Variants in MYOZ1 observed in about 807,000 individuals in gnomAD.
MYOZ1 encodes myozenin-1.
MYOZ1 carries 20 observed loss-of-function variants against 28.7 expected under a neutral mutation model. The observed-to-expected ratio is 0.70, with a 90% CI of 0.49 to 1.01. MYOZ1 has a LOEUF of 1.01. MYOZ1 is among the 50% of genes least tolerant of loss of function. The pLI is 0.00. For synonymous variants in MYOZ1, 144 were observed against 145.8 expected, an observed-to-expected ratio of 0.99 and a Z score of 0.09; for missense variants, 371 against 372.4, an observed-to-expected ratio of 1.00 and a Z score of 0.03.
In MYOZ1 at chr10:73,634,719, C is replaced by A; in HGVS notation, c.267G>T (p.Lys89Asn). ...GCTGTCCCCCCACTGTTGGAAGGAA[C>A]TTCTGGAAGTGATCCTGAAAAGAAG... ...FSDSSMDHFQKFLPTVGGQLG... is the reference protein window; with the variant it reads ...FSDSSMDHFQNFLPTVGGQLG... The change falls in exon 4 of 6, where the codon AAG (lysine) becomes AAT (asparagine). Residue 89 changes from lysine (K) to asparagine (N), a missense_variant. Coordinates refer to ENST00000359322, the MANE Select transcript of MYOZ1 (RefSeq NM_021245.4). 4 of 1,612,232 alleles carry A rather than the reference C, an allele frequency of 2.5e-6. No homozygotes were observed. The South Asian group carries it at 3.3e-5, about 13-fold the overall frequency.
At position 73,633,932 on chromosome 10, in the gene MYOZ1, T is replaced by G; in HGVS notation, c.636A>C (p.Lys212Asn). The change falls in exon 5 of 6, where the codon AAA (lysine) becomes AAC (asparagine). Residue 212 changes from lysine (K) to asparagine (N), a missense_variant. Lys to Asn is a moderately conservative substitution (Grantham distance 94, BLOSUM62 0). Transcript: ENST00000359322. ...LGIDLLAYGAKAELPKYKSFN... is the reference protein window; with the variant it reads ...LGIDLLAYGANAELPKYKSFN... Reference sequence around the variant, plus strand: ...AGGACTTATATTTGGGAAGTTCAGCTTTGGCCCCATAGGCCAGCAGGTCAA... The same window carrying G: ...AGGACTTATATTTGGGAAGTTCAGCGTTGGCCCCATAGGCCAGCAGGTCAA... The G allele has an allele frequency of 1.2e-6, 2 of 1,613,442 alleles. No homozygotes were observed. Among genetic ancestry groups the G allele is most frequent in the Non-Finnish European group, 1.7e-6 (2 of 1,179,784 alleles).
chr10:73,636,217 C>A (rs1340191784), intron 3 of MYOZ1, among the ~76,000 whole-genome samples: 1 of 152,152 alleles, frequency 6.6e-6, no homozygotes, highest in East Asian at 1.9e-4. Flanking sequence ...CCATCCTGTG[C>A]CTGGCCCCTC....
In MYOZ1 at chr10:73,634,542, CG is replaced by C; in HGVS notation, c.443del (p.Ala148GlyfsTer91). 13 of 1,614,124 alleles carry C rather than the reference CG, an allele frequency of 8.1e-6. No homozygotes were observed. Among genetic ancestry groups the C allele is most frequent in the Non-Finnish European group, 1.1e-5 (13 of 1,180,018 alleles). On this transcript the variant is annotated frameshift_variant, in exon 4 of 6. Transcript: ENST00000359322. LOFTEE classifies it high-confidence loss of function. ...GSGAGGTGGP[A>X]GQAGRGGAAG... The stretch of plus-strand genomic sequence containing the variant: ...CAGCTCCTCCTCTGCCAGCCTGGCC[CG>C]CGGGACCACCTGTACCCCCAGCTCC...
chr10:73,633,437 A>G (rs2081647803), intron 5 of MYOZ1, among the ~76,000 whole-genome samples: 1 of 152,174 alleles, frequency 6.6e-6, no homozygotes, highest in Non-Finnish European at 1.5e-5. Flanking sequence ...CGCATTTAAC[A>G]TTCAAAGCAG....
Position 73,632,143 on chromosome 10 carries a change from A to T in MYOZ1, c.687T>A (p.Gly229=). ...TGCGTTTGGAGGCCTTCTCATATCC[A>T]CCATAGGGCATTGCCGTCCTGAGAA... ...KSFNRTAMPY[G]GYEKASKRMT... The change falls in exon 6 of 6, where the codon GGT becomes GGA. Residue 229 remains glycine, a synonymous_variant. Coordinates refer to ENST00000359322, the MANE Select transcript of MYOZ1 (RefSeq NM_021245.4). The T allele has an allele frequency of 6.2e-7, 1 of 1,614,154 alleles. No homozygotes were observed. The highest frequency in any genetic ancestry group is 8.5e-7 in the Non-Finnish European group (1 of 1,180,008).
In MYOZ1 at chr10:73,631,735, G is replaced by T; in HGVS notation, c.*195C>A. ...GAGCAGGTTCCATATGGAGCAAGTAGAAGGGGAGCTCTGAGTTGGTGAGGA... is the reference window on the plus strand; with the variant it reads ...GAGCAGGTTCCATATGGAGCAAGTATAAGGGGAGCTCTGAGTTGGTGAGGA... On this transcript the variant is annotated 3_prime_UTR_variant, in exon 6 of 6. Transcript: ENST00000359322. 1 of 574,528 alleles carries T rather than the reference G, an allele frequency of 1.7e-6. No individual in the cohort carries two copies. Among genetic ancestry groups the T allele is most frequent in the Non-Finnish European group, 3.1e-6 (1 of 322,912 alleles). The allele number at this position is 574,528 out of a possible 1,614,324, so 35.6% of individuals were successfully genotyped here. A position where few individuals can be genotyped will look rare whatever the true frequency, so the allele number is the denominator to read the frequency against.
chr10:73,634,160 G>A, intron 4 of MYOZ1, 95 bp from the exon 5 acceptor site: 1 of 1,367,662 alleles, frequency 7.3e-7, no homozygotes, highest in South Asian at 1.3e-5. Flanking sequence ...AATTGCAAGA[G>A]CCAGGGACTA....
intron 2 of MYOZ1, among the ~76,000 whole-genome samples, chr10:73,638,395 C>T (rs905761789): frequency 2.0e-5 from 3 of 151,148 alleles, no homozygotes; most frequent in South Asian, 4.2e-4. Flanking sequence ...TGGAATGGCG[C>T]GATCTCAGCT....
At position 73,632,004 on chromosome 10, in the gene MYOZ1, GC is replaced by G; in HGVS notation, c.825del (p.Trp275CysfsTer2). 6.2e-7 allele frequency: 1 copy of G among 1,614,070 alleles called. No homozygotes were observed. The highest frequency in any genetic ancestry group is 8.5e-7 in the Non-Finnish European group (1 of 1,180,016). On this transcript the variant is annotated frameshift_variant, in exon 6 of 6. Transcript: ENST00000359322. LOFTEE classifies it high-confidence loss of function. ...RPSFNRTPIPWLSSGEPVDYN... is the reference protein window; with the variant it reads ...RPSFNRTPIPXLSSGEPVDYN... ...TAGTCTACAGGCTCCCCAGAGCTCA[GC>G]CAGGGAATAGGGGTTCGATTGAAAG...
chr10:73,635,469 C>A (rs931807345), intron 3 of MYOZ1, among the ~76,000 whole-genome samples: 2 of 152,162 alleles, frequency 1.3e-5, no homozygotes, highest in East Asian at 3.9e-4. Context: ...GCAACCTCCA[C>A]CTCCCTGGCT....
chr10:73,637,620 G>A (rs1589446474), intron 3 of MYOZ1, 124 bp downstream of exon 3: 1 of 974,714 alleles, frequency 1.0e-6, no homozygotes, highest in South Asian at 1.7e-5. Context: ...TATATCTGGG[G>A]GTTTAACAAA....
chr10:73,631,616 G>A lies in MYOZ1; in HGVS notation c.*314C>T, dbSNP rs746144368. The A allele has an allele frequency of 2.2e-4, 72 of 330,478 alleles. No individual in the cohort carries two copies. Among genetic ancestry groups the A allele is most frequent in the South Asian group, 1.1e-3 (30 of 27,836 alleles). 20.5% of individuals were successfully genotyped at this position (330,478 alleles called of 1,614,324 possible). On this transcript the variant is annotated 3_prime_UTR_variant, in exon 6 of 6. Coordinates refer to ENST00000359322, the MANE Select transcript of MYOZ1 (RefSeq NM_021245.4). The stretch of plus-strand genomic sequence containing the variant: ...TTAGTCTCTGTGCATTGTTAGCCTC[G>A]GCTTTCATCTGCTCTCAAATATCAA...
Position 73,631,851 on chromosome 10 carries a change from T to G in MYOZ1, c.*79A>C. The stretch of plus-strand genomic sequence containing the variant: ...TCCCATAAGGATACTGGATTAACAA[T>G]GGGGGCTATCTGCTCAGCATTCCCT... On this transcript the variant is annotated 3_prime_UTR_variant, in exon 6 of 6. Coordinates refer to ENST00000359322, the MANE Select transcript of MYOZ1 (RefSeq NM_021245.4). 1 of 1,223,182 alleles carries G rather than the reference T, an allele frequency of 8.2e-7. No homozygotes were observed. The highest frequency in any genetic ancestry group is 1.2e-6 in the Non-Finnish European group (1 of 840,192). 75.8% of individuals were successfully genotyped at this position (1,223,182 alleles called of 1,614,324 possible).
rs144920278 is a variant in MYOZ1, at chr10:73,637,849, C to T, written c.147G>A (p.Leu49=). The change falls in exon 3 of 6, where the codon CTG becomes CTA. Residue 49 remains leucine, a synonymous_variant. Coordinates refer to ENST00000359322, the MANE Select transcript of MYOZ1 (RefSeq NM_021245.4). ...SVPRDVMLEE[L]SLLTNRGSKM... Reference sequence around the variant, plus strand: ...TGGAGCCCCGGTTGGTAAGCAGCGACAGTTCCTCCAACATCACATCCCTTG... The same window carrying T: ...TGGAGCCCCGGTTGGTAAGCAGCGATAGTTCCTCCAACATCACATCCCTTG... The T allele has an allele frequency of 9.1e-4, 1,467 of 1,614,176 alleles. No individual in the cohort carries two copies. Among genetic ancestry groups the T allele is most frequent in the South Asian group, 1.7e-3 (152 of 91,076 alleles).
chr10:73,640,916 A>G lies in MYOZ1; in HGVS notation c.-19+495T>C, dbSNP rs570433084. 9.2e-5 allele frequency among the ~76,000 whole-genome samples: 14 copies of G among 152,270 alleles called. No individual in the cohort carries two copies. In the East Asian group the frequency reaches 2.5e-3, roughly 27 times the overall value. ...CCCTGCTCCTGCAATCACTCCCGCCACAGACCCCAGAGTGGAGGCAGGTGT... is the reference window on the plus strand; with the variant it reads ...CCCTGCTCCTGCAATCACTCCCGCCGCAGACCCCAGAGTGGAGGCAGGTGT... On this transcript the variant is annotated intron_variant, in intron 1 of 5. Transcript: ENST00000359322.
At chr10:73,641,149 T>C (rs915379894) in intron 1 of MYOZ1, among the ~76,000 whole-genome samples, 1 of 152,144 alleles carries the variant, frequency 6.6e-6, no homozygotes, top group African/African-American at 2.4e-5. Context: ...TCTCAAAAAA[T>C]ACATCTGCAA....
chr10:73,632,351 A>G (rs1212466883), intron 5 of MYOZ1, among the ~76,000 whole-genome samples, 190 bp from the exon 6 acceptor site: 1 of 152,126 alleles, frequency 6.6e-6, no homozygotes, highest in Non-Finnish European at 1.5e-5. Context: ...GCTAATAATG[A>G]GAAAAGGAGT....
intron 5 of MYOZ1, among the ~76,000 whole-genome samples, 192 bp downstream of exon 5, chr10:73,633,708 A>G (rs915282710): frequency 5.9e-5 from 9 of 152,198 alleles, no homozygotes; most frequent in Non-Finnish European, 1.2e-4. Context: ...CTCCCAGCAA[A>G]TTTTTTCCTT....
chr10:73,632,164 G>A lies in MYOZ1; in HGVS notation c.669-3C>T. 2.5e-6 allele frequency: 4 copies of A among 1,611,084 alleles called. No homozygotes were observed. The highest frequency in any genetic ancestry group is 3.4e-6 in the Non-Finnish European group (4 of 1,177,222). Reference sequence around the variant, plus strand: ...ATCCACCATAGGGCATTGCCGTCCTGAGAAGGGGACACATTATTTAATTAA... The same window carrying A: ...ATCCACCATAGGGCATTGCCGTCCTAAGAAGGGGACACATTATTTAATTAA... On this transcript the variant is annotated splice_region_variant and splice_polypyrimidine_tract_variant and intron_variant, in intron 5 of 5. Transcript: ENST00000359322.
Sources: allele counts gnomAD v4.1 joint callset (sites outside exome capture counted in the v4.1 genomes callset), GRCh38; gene constraint gnomAD v4.1.1; transcripts MANE v1.5; gene names NCBI Gene and HGNC (gene_info 2026-07-23, HGNC 2026-07-21).